EEIG2: variants seen among roughly 807,000 people sequenced by gnomAD.
EEIG2 encodes EEIG family member 2.
At chr1:108,600,835 A>C in the EEIG2 span, 1 of 686,604 alleles carries the variant, frequency 1.5e-6, no homozygotes, top group Non-Finnish European at 2.3e-6. Context: ...TTAAAATACC[A>C]TGGCAAATAT....
the EEIG2 span, among the ~76,000 whole-genome samples, chr1:108,563,215 A>G: frequency 6.6e-6 from 1 of 152,168 alleles, no homozygotes; most frequent in African/African-American, 2.4e-5. Context: ...CTGTGCCTAG[A>G]CTGTACGGAG....
the EEIG2 span, among the ~76,000 whole-genome samples, chr1:108,562,185 G>T: frequency 1.3e-5 from 2 of 152,206 alleles, no homozygotes; most frequent in African/African-American, 4.8e-5. Flanking sequence ...CAGCTGGTAA[G>T]TGCGATGCCA....
chr1:108,636,829 G>GA, the EEIG2 span: 2 of 151,980 alleles, frequency 1.3e-5, no homozygotes, highest in East Asian at 1.9e-4. Flanking sequence ...TATATTATGG[G>GA]AAAAATCAAA....
chr1:108,594,165 T>TA, the EEIG2 span, among the ~76,000 whole-genome samples: 17 of 151,646 alleles, frequency 1.1e-4, no homozygotes, highest in Admixed American at 4.6e-4. Context: ...TCCATCAGAG[T>TA]AAAAAAAATG....
At chr1:108,587,309 A>G in the EEIG2 span, among the ~76,000 whole-genome samples, 1 of 152,130 alleles carries the variant, frequency 6.6e-6, no homozygotes, top group Non-Finnish European at 1.5e-5. Flanking sequence ...AAGGTACAGA[A>G]ATGCCTCCTA....
chr1:108,574,014 G>T, the EEIG2 span, among the ~76,000 whole-genome samples: 1 of 152,164 alleles, frequency 6.6e-6, no homozygotes, highest in Non-Finnish European at 1.5e-5. Context: ...AATTCTTCTG[G>T]ATGTATACCC....
the EEIG2 span, chr1:108,612,138 A>G: frequency 4.3e-6 from 6 of 1,396,858 alleles, no homozygotes; most frequent in South Asian, 2.4e-5. Context: ...ATAGAAGCCT[A>G]CTAGATAGTC....
At chr1:108,579,763 G>GTT in the EEIG2 span, among the ~76,000 whole-genome samples, 1 of 106,558 alleles carries the variant, frequency 9.4e-6, no homozygotes, top group Non-Finnish European at 1.9e-5. Context: ...GTGTGTGTGT[G>GTT]TGTGTGTGTG....
the EEIG2 span, chr1:108,600,432 C>A: frequency 1.0e-6 from 1 of 995,912 alleles, no homozygotes; most frequent in South Asian, 2.2e-5. Flanking sequence ...TGCTTCCTTC[C>A]TGCTACACTG....
chr1:108,599,380 G>C, the EEIG2 span, among the ~76,000 whole-genome samples: 1 of 151,918 alleles, frequency 6.6e-6, no homozygotes. Flanking sequence ...GTTCAACCTG[G>C]GCTCTCTTGC....
the EEIG2 span, chr1:108,638,399 GAAGT>G: frequency 2.0e-5 from 3 of 152,204 alleles, no homozygotes; most frequent in Non-Finnish European, 4.4e-5. Context: ...TTAACATACA[GAAGT>G]AATTTTAGAC....
the EEIG2 span, among the ~76,000 whole-genome samples, chr1:108,590,706 A>T: frequency 2.0e-5 from 3 of 152,098 alleles, no homozygotes; most frequent in Admixed American, 2.0e-4. Flanking sequence ...TCTATGCAAT[A>T]CTATCTGGCA....
the EEIG2 span, among the ~76,000 whole-genome samples, chr1:108,565,321 G>A: frequency 1.2e-4 from 19 of 152,208 alleles, no homozygotes; most frequent in African/African-American, 3.4e-4. Flanking sequence ...AGCCTACTAC[G>A]TGCTTAGACT....
chr1:108,606,127 C>T, the EEIG2 span: 1 of 703,346 alleles, frequency 1.4e-6, no homozygotes. Flanking sequence ...TGATATTTGC[C>T]AGCATATATA....
the EEIG2 span, among the ~76,000 whole-genome samples, chr1:108,561,866 G>C: frequency 6.6e-6 from 1 of 152,208 alleles, no homozygotes; most frequent in Non-Finnish European, 1.5e-5. Context: ...GGCCTAGACT[G>C]TTTTGCTGCA....
chr1:108,583,730 T>C, the EEIG2 span, among the ~76,000 whole-genome samples: 2 of 152,036 alleles, frequency 1.3e-5, no homozygotes, highest in African/African-American at 2.4e-5. Context: ...ACTGTTAGGA[T>C]TGCAGAATAG....
chr1:108,619,686 C>T, the EEIG2 span, among the ~76,000 whole-genome samples: 7 of 152,064 alleles, frequency 4.6e-5, no homozygotes, highest in East Asian at 1.9e-4. Context: ...CAGGAGTTCA[C>T]GACCAGCCTG....
the EEIG2 span, among the ~76,000 whole-genome samples, chr1:108,593,611 C>T: frequency 1.3e-5 from 2 of 152,248 alleles, no homozygotes; most frequent in Admixed American, 6.5e-5. Flanking sequence ...CACATACGCT[C>T]CTGGGCAAAC....
chr1:108,612,769 G>A, the EEIG2 span, among the ~76,000 whole-genome samples: 2 of 152,202 alleles, frequency 1.3e-5, no homozygotes, highest in Non-Finnish European at 1.5e-5. Flanking sequence ...TAATGAGTGC[G>A]AATGTATACT....
Sources: allele counts gnomAD v4.1 joint callset (sites outside exome capture counted in the v4.1 genomes callset), GRCh38; gene constraint gnomAD v4.1.1; transcripts MANE v1.5; gene names NCBI Gene and HGNC (gene_info 2026-07-23, HGNC 2026-07-21).